Variants in GRIN2A observed in about 807,000 individuals in gnomAD.
The protein encoded by GRIN2A is glutamate ionotropic receptor NMDA type subunit 2A, also known as glutamate receptor ionotropic, NMDA 2A.
GRIN2A carries 22 observed loss-of-function variants against 113.4 expected under a neutral mutation model. The observed-to-expected ratio is 0.19, with a 90% confidence interval of 0.14 to 0.28. The LOEUF (loss-of-function observed/expected upper bound fraction) is 0.28, where lower values mean the gene tolerates loss of function less well. Ranked by LOEUF, GRIN2A falls within the 10% of genes least tolerant of loss-of-function variation. The pLI is 1.00. For missense variants in GRIN2A, 1,502 were observed against 1,887.0 expected (o/e 0.80, Z 3.78); for synonymous variants, 827 against 738.4 (o/e 1.12, Z -1.94).
intron 8 of GRIN2A, among the ~76,000 whole-genome samples, chr16:9,830,305 C>T (rs1175126186): frequency 6.6e-6 from 1 of 152,182 alleles, no homozygotes; most frequent in Non-Finnish European, 1.5e-5. Flanking sequence ...CATATCACAG[C>T]ACTTTTTCCA....
intron 10 of GRIN2A, among the ~76,000 whole-genome samples, chr16:9,811,903 C>G (rs28661738): frequency 6.6e-6 from 1 of 152,144 alleles, no homozygotes; most frequent in Non-Finnish European, 1.5e-5. Flanking sequence ...AGAAGAAATT[C>G]ATTTCCTCCA....
intron 10 of GRIN2A, among the ~76,000 whole-genome samples, chr16:9,805,938 A>G (rs1019371762): frequency 2.0e-4 from 31 of 152,214 alleles, no homozygotes; most frequent in Admixed American, 4.6e-4. Flanking sequence ...TCAGCACAGA[A>G]TGGTCTAAAA....
chr16:9,768,591 T>A (rs1901064354), intron 12 of GRIN2A, among the ~76,000 whole-genome samples: 1 of 152,154 alleles, frequency 6.6e-6, no homozygotes, highest in Non-Finnish European at 1.5e-5. Context: ...GATACTGAGG[T>A]TTAGCTGCCG....
chr16:9,773,898 G>C (rs897307488), intron 11 of GRIN2A, among the ~76,000 whole-genome samples: 2 of 152,212 alleles, frequency 1.3e-5, no homozygotes, highest in Non-Finnish European at 2.9e-5. Context: ...AAAAGACAGA[G>C]TAATAGAGTT....
chr16:9,996,264 A>G (rs1463827755), intron 2 of GRIN2A, among the ~76,000 whole-genome samples: 4 of 152,178 alleles, frequency 2.6e-5, no homozygotes, highest in African/African-American at 9.6e-5. Flanking sequence ...AACCTGCATC[A>G]TAACCTGCCT....
intron 2 of GRIN2A, among the ~76,000 whole-genome samples, chr16:9,984,843 T>G (rs2141790599): frequency 6.6e-6 from 1 of 152,332 alleles, no homozygotes; most frequent in African/African-American, 2.4e-5. Flanking sequence ...TTTTGGTTTT[T>G]TATTACTTTT....
intron 3 of GRIN2A, among the ~76,000 whole-genome samples, chr16:9,924,272 A>T (rs1216193011): frequency 1.3e-5 from 2 of 152,092 alleles, no homozygotes; most frequent in Admixed American, 1.3e-4. Context: ...TGTAATGCAG[A>T]TCTGCTGCTA....
rs190114682 is a variant in GRIN2A at position 9,977,790 on chromosome 16, T to C, written c.415-39239A>G. ...ACACTTCAATTCGGTCGGCTTTTCC[T>C]TGGGGAGTAGACTTTGGTGAGTAAA... On this transcript the variant is annotated intron_variant, in intron 2 of 12. Coordinates refer to ENST00000330684, the MANE Select transcript of GRIN2A (RefSeq NM_001134407.3). Among the ~76,000 whole-genome samples, 154 of 152,288 alleles carry C rather than the reference T, an allele frequency of 1.0e-3. 1 individual carries two copies. The highest frequency in any genetic ancestry group is 1.3e-4 in the Non-Finnish European group (9 of 68,022).
chr16:9,961,682 C>T lies in GRIN2A; in HGVS notation c.415-23131G>A, dbSNP rs1044463657. On this transcript the variant is annotated intron_variant, in intron 2 of 12. Transcript: ENST00000330684. ...TTTAAACAAAATTTTTGAGATTTTTCGTGAAAACGGCCATACTGCCCAAGG... is the reference window on the plus strand; with the variant it reads ...TTTAAACAAAATTTTTGAGATTTTTTGTGAAAACGGCCATACTGCCCAAGG... Among the ~76,000 whole-genome samples, 3 of 152,122 alleles carry T rather than the reference C, an allele frequency of 2.0e-5. 1 individual carries two copies. Among genetic ancestry groups the T allele is most frequent in the African/African-American group, 4.8e-5 (2 of 41,430 alleles).
Position 9,938,974 on chromosome 16 carries a change from T to G in GRIN2A, c.415-423A>C, listed in dbSNP as rs561890708. 1.8e-4 allele frequency among the ~76,000 whole-genome samples: 28 copies of G among 152,036 alleles called. No homozygotes were observed. The South Asian group carries it at 5.0e-3, about 27-fold the overall frequency. On this transcript the variant is annotated intron_variant, in intron 2 of 12. Transcript: ENST00000330684. ...AACGATATATTTGGAGCCCCTAGAG[T>G]CTGCCAAGTATGAAGCCATTTCTCC...
intron 2 of GRIN2A, among the ~76,000 whole-genome samples, chr16:9,947,308 C>T (rs2045042373): frequency 1.3e-5 from 2 of 152,326 alleles, no homozygotes; most frequent in East Asian, 1.9e-4. Context: ...ACAGCCACAA[C>T]AGCCAAGACC....
In GRIN2A at chr16:9,764,739, A is replaced by C. The variant is rs762984731; in HGVS notation, c.2805T>G (p.Val935=). The C allele has an allele frequency of 1.9e-5, 30 of 1,614,076 alleles. No individual in the cohort carries two copies. The Middle Eastern group carries it at 8.2e-4, about 44-fold the overall frequency. ...AGTACATCAAATTCCCCTTATCTGA[A>C]ACCATGTCCATGATGAGGGAACCTC... The part of the protein sequence containing the change: ...IQRGSLIMDM[V]SDKGNLMYSD... The change falls in exon 13 of 13, where the codon GTT becomes GTG. Residue 935 remains valine (V), a synonymous_variant. Coordinates refer to ENST00000330684, the MANE Select transcript of GRIN2A (RefSeq NM_001134407.3).
At chr16:10,075,475 C>A (rs1320483941) in intron 2 of GRIN2A, among the ~76,000 whole-genome samples, 3 of 152,030 alleles carry the variant, frequency 2.0e-5, no homozygotes, top group African/African-American at 7.2e-5. Context: ...CAAGTAAGTA[C>A]AGAGACTCGA....
rs530015013 is a variant in GRIN2A, at chr16:10,136,554, T to A, written c.414+43444A>T. 6.9e-4 allele frequency among the ~76,000 whole-genome samples: 104 copies of A among 149,666 alleles called. 1 individual carries two copies. The highest frequency in any genetic ancestry group is 2.4e-3 in the African/African-American group (101 of 41,294). ...AAGGTTAAAGATACTGATTAATAAT[T>A]AATAAACTATCTCATTAAAAAAAGA... On this transcript the variant is annotated intron_variant, in intron 2 of 12. Transcript: ENST00000330684.
chr16:10,071,253 G>A (rs145604573), intron 2 of GRIN2A, among the ~76,000 whole-genome samples: 4 of 152,234 alleles, frequency 2.6e-5, no homozygotes, highest in East Asian at 3.9e-4. Flanking sequence ...GGAAATATTC[G>A]GAACATTCTA....
chr16:10,059,516 T>C (rs1247073407), intron 2 of GRIN2A, among the ~76,000 whole-genome samples: 1 of 151,964 alleles, frequency 6.6e-6, no homozygotes, highest in East Asian at 1.9e-4. Flanking sequence ...GTGGTAGAAA[T>C]GGGTAGGTTG....
intron 2 of GRIN2A, among the ~76,000 whole-genome samples, chr16:9,991,872 G>A (rs1180887112): frequency 1.3e-5 from 2 of 152,264 alleles, no homozygotes; most frequent in Admixed American, 6.5e-5. Flanking sequence ...GACACAGTGA[G>A]GGGAAGATCA....
chr16:9,798,517 G>T, intron 10 of GRIN2A, 53 bp from the exon 11 acceptor site: 5 of 1,432,834 alleles, frequency 3.5e-6, no homozygotes, highest in Non-Finnish European at 4.9e-6. Flanking sequence ...ACCACCTCGG[G>T]GTCCAGCTCC....
intron 1 of GRIN2A, among the ~76,000 whole-genome samples, chr16:10,181,309 T>C (rs974421731): frequency 5.9e-5 from 9 of 151,992 alleles, no homozygotes; most frequent in Admixed American, 5.2e-4. Context: ...GGCCAGCGCG[T>C]AGGAGCTGGC....
Sources: allele counts gnomAD v4.1 joint callset (sites outside exome capture counted in the v4.1 genomes callset), GRCh38; gene constraint gnomAD v4.1.1; transcripts MANE v1.5; gene names NCBI Gene and HGNC (gene_info 2026-07-23, HGNC 2026-07-21).